Variants in COL15A1 observed in about 807,000 individuals in gnomAD.
COL15A1 encodes the protein collagen alpha-1(XV) chain.
COL15A1 carries 111 observed loss-of-function variants against 165.9 expected under a neutral mutation model. The observed-to-expected ratio is 0.67, with a 90% CI of 0.57 to 0.78. COL15A1 has a LOEUF of 0.78. Among genes scored for constraint, COL15A1 ranks in the 30% least tolerant of loss-of-function variants. COL15A1 has a pLI of 0.00. For synonymous variants in COL15A1, 659 were observed against 674.8 expected, an observed-to-expected ratio of 0.98 and a Z score of 0.36; for missense variants, 1,745 against 1,789.7, an observed-to-expected ratio of 0.98 and a Z score of 0.45.
chr9:98,954,376 C>A (rs1352890231), intron 2 of COL15A1, among the ~76,000 whole-genome samples: 1 of 152,166 alleles, frequency 6.6e-6, no homozygotes, highest in Non-Finnish European at 1.5e-5. Context: ...TATTTTCCAC[C>A]CCTAAGTATG....
chr9:99,060,209 A>G (rs1825786982), intron 36 of COL15A1, among the ~76,000 whole-genome samples: 1 of 149,514 alleles, frequency 6.7e-6, no homozygotes, highest in Non-Finnish European at 1.5e-5. Flanking sequence ...TTATAACAAG[A>G]ACCAATCATA....
intron 5 of COL15A1, among the ~76,000 whole-genome samples, chr9:98,996,237 C>G (rs1838540819): frequency 6.6e-6 from 1 of 152,204 alleles, no homozygotes. Context: ...CCATGCACCC[C>G]CAGCCCCTTT....
chr9:99,015,267 C>G, intron 9 of COL15A1, 150 bp from the exon 10 acceptor site: 1 of 634,582 alleles, frequency 1.6e-6, no homozygotes, highest in Non-Finnish European at 2.8e-6. Flanking sequence ...GAGCTCCAGG[C>G]GAAGGTGTGG....
chr9:99,025,231 A>G (rs958567532), intron 15 of COL15A1, among the ~76,000 whole-genome samples: 1 of 152,214 alleles, frequency 6.6e-6, no homozygotes, highest in Non-Finnish European at 1.5e-5. Context: ...ATCATAGTCA[A>G]TACAGATGGC....
At chr9:99,022,356 A>G (rs1439655612) in intron 13 of COL15A1, among the ~76,000 whole-genome samples, 3 of 152,218 alleles carry the variant, frequency 2.0e-5, no homozygotes, top group Non-Finnish European at 4.4e-5. Context: ...TGAGCATCCC[A>G]GAAGTTCTTC....
chr9:99,005,154 C>A, intron 9 of COL15A1, 104 bp downstream of exon 9: 2 of 1,209,238 alleles, frequency 1.7e-6, no homozygotes, highest in Non-Finnish European at 1.1e-6. Context: ...GAGCCTGAGG[C>A]ACGGGGATCT....
Position 99,007,987 on chromosome 9 carries a change from C to T in COL15A1, c.1353+2937C>T, listed in dbSNP as rs536746896. Among the ~76,000 whole-genome samples, 11 of 152,320 alleles carry T rather than the reference C, an allele frequency of 7.2e-5. No homozygotes were observed. The South Asian group carries it at 1.9e-3, about 26-fold the overall frequency. On this transcript the variant is annotated intron_variant, in intron 9 of 41. Transcript: ENST00000375001. ...GTTTATTTTAAAACATAAGTTTTCT[C>T]TTTCCAGTCCCATTTTCACTAAAGA...
intron 2 of COL15A1, among the ~76,000 whole-genome samples, chr9:98,949,830 C>A (rs962176244): frequency 1.3e-5 from 2 of 152,206 alleles, no homozygotes; most frequent in Non-Finnish European, 2.9e-5. Context: ...GCCCATTAAT[C>A]AATTGCTCCC....
At chr9:99,036,777 G>A (rs1839309293) in intron 21 of COL15A1, among the ~76,000 whole-genome samples, 1 of 152,226 alleles carries the variant, frequency 6.6e-6, no homozygotes, top group South Asian at 2.1e-4. Flanking sequence ...ATTACTGATG[G>A]AGGTTAGGTG....
At chr9:98,994,367 G>A (rs1162285896) in intron 5 of COL15A1, among the ~76,000 whole-genome samples, 1 of 152,262 alleles carries the variant, frequency 6.6e-6, no homozygotes, top group South Asian at 2.1e-4. Flanking sequence ...TGGCGCCTTA[G>A]TTCCTGCGGT....
intron 2 of COL15A1, among the ~76,000 whole-genome samples, chr9:98,946,637 G>A (rs1837588317): frequency 6.6e-6 from 1 of 152,200 alleles, no homozygotes; most frequent in Non-Finnish European, 1.5e-5. Context: ...TTCTGGGCTG[G>A]TGCTGTTCCT....
chr9:98,944,056 C>G lies in COL15A1; in HGVS notation c.-6C>G, dbSNP rs752393916. On this transcript the variant is annotated 5_prime_UTR_variant, in exon 1 of 42. Coordinates refer to ENST00000375001, the MANE Select transcript of COL15A1 (RefSeq NM_001855.5). ...CGCGCCTTCCGGGGCTCCGCAGACC[C>G]GCGAGATGGCACCAAGGTAAGACCC... The G allele has an allele frequency of 6.2e-7, 1 of 1,614,090 alleles. No individual in the cohort carries two copies.
In COL15A1 at chr9:99,015,576, A is replaced by C. The variant is rs374041558; in HGVS notation, c.1503+10A>C. The C allele has an allele frequency of 1.6e-5, 25 of 1,612,678 alleles. No homozygotes were observed. Among genetic ancestry groups the C allele is most frequent in the Non-Finnish European group, 2.1e-5 (25 of 1,179,262 alleles). Reference sequence around the variant, plus strand: ...GCGGGCAGTCACTTCTGTAAGTGTCATCTTGTGTCCTCTCTGGCTCACAGG... The same window carrying C: ...GCGGGCAGTCACTTCTGTAAGTGTCCTCTTGTGTCCTCTCTGGCTCACAGG... On this transcript the variant is annotated intron_variant, in intron 10 of 41. Transcript: ENST00000375001.
At chr9:98,997,523 A>G (rs1426353839) in intron 6 of COL15A1, among the ~76,000 whole-genome samples, 1 of 152,232 alleles carries the variant, frequency 6.6e-6, no homozygotes, top group African/African-American at 2.4e-5. Context: ...TGGAAAAACC[A>G]ACACTTGGAA....
intron 2 of COL15A1, among the ~76,000 whole-genome samples, chr9:98,969,806 G>T (rs928816361): frequency 6.6e-6 from 1 of 152,228 alleles, no homozygotes; most frequent in African/African-American, 2.4e-5. Flanking sequence ...ACAGATGAGG[G>T]CTTAAAATCT....
intron 28 of COL15A1, 25 bp from the exon 29 acceptor site, chr9:99,049,665 G>C (rs1387281879): frequency 6.2e-7 from 1 of 1,612,120 alleles, no homozygotes; most frequent in East Asian, 2.2e-5. Flanking sequence ...TGAACTAATG[G>C]AATGGCCTTT....
At chr9:99,033,782 T>C (rs1839250447) in intron 16 of COL15A1, among the ~76,000 whole-genome samples, 1 of 152,166 alleles carries the variant, frequency 6.6e-6, no homozygotes, top group Non-Finnish European at 1.5e-5. Flanking sequence ...TGGCATGCAA[T>C]TGCTGACTTC....
intron 22 of COL15A1, among the ~76,000 whole-genome samples, chr9:99,039,486 G>A (rs1201238901): frequency 6.6e-6 from 1 of 152,198 alleles, no homozygotes; most frequent in Non-Finnish European, 1.5e-5. Context: ...CCCAGGCTGG[G>A]TGACAAAGTG....
At chr9:99,032,729 C>T (rs1329309283) in intron 16 of COL15A1, among the ~76,000 whole-genome samples, 1 of 152,152 alleles carries the variant, frequency 6.6e-6, no homozygotes, top group Non-Finnish European at 1.5e-5. Context: ...GGTCTTTTTA[C>T]CCTCTTGTGT....
Sources: gnomAD v4.1 joint callset for allele counts (sites outside exome capture counted in the v4.1 genomes callset) on GRCh38, gnomAD v4.1.1 for gene constraint, MANE v1.5 for transcripts, NCBI Gene and HGNC (gene_info 2026-07-23, HGNC 2026-07-21) for gene names.